Variants in SH3RF1 observed in about 807,000 individuals in gnomAD.
SH3RF1 encodes the protein SH3 domain containing ring finger 1.
SH3RF1 carries 32 observed loss-of-function variants against 74.0 expected under a neutral mutation model. That is an observed-to-expected ratio of 0.43 (90% CI 0.33 to 0.58). The LOEUF is 0.58. SH3RF1 is among the 20% of genes least tolerant of loss of function. The pLI, the probability that SH3RF1 is intolerant of heterozygous loss-of-function variation, is 0.05. For missense variants in SH3RF1, 954 were observed against 1,130.9 expected (o/e 0.84, Z 2.24); for synonymous variants, 396 against 439.6 (o/e 0.90, Z 1.24).
intron 2 of SH3RF1, among the ~76,000 whole-genome samples, chr4:169,264,960 C>A (rs936680115): frequency 6.6e-6 from 1 of 152,184 alleles, no homozygotes; most frequent in Admixed American, 6.5e-5. Flanking sequence ...TAATTAATAT[C>A]ATTTCACCCT....
At chr4:169,183,823 A>AG (rs1253060269) in intron 2 of SH3RF1, among the ~76,000 whole-genome samples, 10 of 152,152 alleles carry the variant, frequency 6.6e-5, no homozygotes, top group African/African-American at 2.4e-4. Flanking sequence ...CAAATGTGTT[A>AG]GGACACGACT....
At chr4:169,156,746 C>A in intron 2 of SH3RF1, 67 bp from the exon 3 acceptor site, 1 of 1,436,710 alleles carries the variant, frequency 7.0e-7, no homozygotes, top group Non-Finnish European at 9.4e-7. Flanking sequence ...GAAAATACAA[C>A]TGCGTTGTCA....
intron 2 of SH3RF1, among the ~76,000 whole-genome samples, chr4:169,258,977 C>T (rs891265802): frequency 6.6e-6 from 1 of 152,094 alleles, no homozygotes; most frequent in Non-Finnish European, 1.5e-5. Flanking sequence ...CACACTGACA[C>T]TCTTACTTAC....
rs577760108 is a variant in SH3RF1 at position 169,261,603 on chromosome 4, T to G, written c.393+7217A>C. Among the ~76,000 whole-genome samples the G allele has an allele frequency of 1.8e-3, 251 of 140,298 alleles. 3 individuals are homozygous for G. Among genetic ancestry groups the G allele is most frequent in the Admixed American group, 7.2e-3 (102 of 14,142 alleles). 92.0% of individuals were successfully genotyped at this position (140,298 alleles called of 152,430 possible). On this transcript the variant is annotated intron_variant, in intron 2 of 11. Coordinates refer to ENST00000284637, the MANE Select transcript of SH3RF1 (RefSeq NM_020870.4). ...CAACCTGGGCAGAAGTGAGACCATC[T>G]CAAAAAAAAAAAAAAGAATGCATAA...
intron 2 of SH3RF1, among the ~76,000 whole-genome samples, chr4:169,250,687 T>C (rs1293694061): frequency 1.3e-5 from 2 of 151,942 alleles, no homozygotes; most frequent in Non-Finnish European, 2.9e-5. Flanking sequence ...TGTGGGGTAG[T>C]GGGGATGGGG....
At chr4:169,101,927 T>C (rs145324505) in intron 11 of SH3RF1, among the ~76,000 whole-genome samples, 283 of 152,332 alleles carry the variant, frequency 1.9e-3, no homozygotes, top group Non-Finnish European at 3.6e-3. Flanking sequence ...AGACTTCCAA[T>C]GCTATGGTAT....
At chr4:169,167,721 G>A (rs569353127) in intron 2 of SH3RF1, among the ~76,000 whole-genome samples, 10 of 152,302 alleles carry the variant, frequency 6.6e-5, no homozygotes, top group African/African-American at 2.2e-4. Flanking sequence ...GGGCAAATGA[G>A]TGAAAGAGGG....
At chr4:169,145,486 A>G (rs1169804812) in intron 4 of SH3RF1, among the ~76,000 whole-genome samples, 1 of 150,872 alleles carries the variant, frequency 6.6e-6, no homozygotes, top group Non-Finnish European at 1.5e-5. Flanking sequence ...TGATAGGTAC[A>G]TTAAAAGCCC....
chr4:169,243,492 G>A (rs1438486039), intron 2 of SH3RF1, among the ~76,000 whole-genome samples: 4 of 152,166 alleles, frequency 2.6e-5, no homozygotes, highest in East Asian at 1.9e-4. Context: ...CAGCCTAGGC[G>A]ACAGAACAAG....
chr4:169,233,463 C>T (rs1730776849), intron 2 of SH3RF1, among the ~76,000 whole-genome samples: 1 of 152,096 alleles, frequency 6.6e-6, no homozygotes, highest in Non-Finnish European at 1.5e-5. Flanking sequence ...ATTTCAACAG[C>T]TATTGATAAC....
intron 2 of SH3RF1, among the ~76,000 whole-genome samples, chr4:169,199,988 C>A (rs947248360): frequency 6.6e-6 from 1 of 152,004 alleles, no homozygotes; most frequent in Non-Finnish European, 1.5e-5. Flanking sequence ...AGAAAATATT[C>A]CAGGCAAATA....
At chr4:169,195,087 T>G (rs1734788325) in intron 2 of SH3RF1, among the ~76,000 whole-genome samples, 1 of 152,224 alleles carries the variant, frequency 6.6e-6, no homozygotes, top group Admixed American at 6.5e-5. Context: ...ACTTTAACAT[T>G]TCCTTTAGCT....
chr4:169,238,935 A>T (rs973455221), intron 2 of SH3RF1, among the ~76,000 whole-genome samples: 2 of 149,818 alleles, frequency 1.3e-5, no homozygotes, highest in Non-Finnish European at 3.0e-5. Flanking sequence ...CATAAAACTG[A>T]CAGGTAAATG....
At chr4:169,247,862 C>T (rs1414744835) in intron 2 of SH3RF1, among the ~76,000 whole-genome samples, 1 of 114,466 alleles carries the variant, frequency 8.7e-6, no homozygotes, top group African/African-American at 3.2e-5. Context: ...CAAAAGAAGA[C>T]ATTTATGCAG....
Position 169,136,336 on chromosome 4 carries a change from G to A in SH3RF1, c.1050C>T (p.Ser350=). The A allele has an allele frequency of 6.8e-7, 1 of 1,473,666 alleles. No individual in the cohort carries two copies. The highest frequency in any genetic ancestry group is 9.0e-7 in the Non-Finnish European group (1 of 1,110,078). 91.3% of individuals were successfully genotyped at this position (1,473,666 alleles called of 1,614,324 possible). A position where few individuals can be genotyped will look rare whatever the true frequency, so the allele number is the denominator to read the frequency against. ...AARISELSGL[S]CSAPSQVHIS... is the part of the protein sequence containing the mutation. Reference sequence around the variant, plus strand: ...GATTTACCTGAGAAGGGGCACTGCAGGAGAGCCCAGACAGCTCGCTGATCC... The same window carrying A: ...GATTTACCTGAGAAGGGGCACTGCAAGAGAGCCCAGACAGCTCGCTGATCC... Residue 350 remains serine, a synonymous_variant, in exon 5 of 12, where the codon TCC becomes TCT. Transcript: ENST00000284637.
At chr4:169,244,792 G>A (rs116308829) in intron 2 of SH3RF1, among the ~76,000 whole-genome samples, 2,379 of 152,200 alleles carry the variant, frequency 0.016, 62 homozygotes, top group African/African-American at 0.055. Flanking sequence ...GTTTTTTGCC[G>A]TTGTTATAAC....
At chr4:169,143,291 A>G (rs531585684) in intron 4 of SH3RF1, among the ~76,000 whole-genome samples, 1 of 152,322 alleles carries the variant, frequency 6.6e-6, no homozygotes, top group Admixed American at 6.5e-5. Flanking sequence ...CTACACTATG[A>G]TCACTTCAAC....
At chr4:169,181,798 A>T (rs1447074228) in intron 2 of SH3RF1, among the ~76,000 whole-genome samples, 1 of 152,194 alleles carries the variant, frequency 6.6e-6, no homozygotes, top group African/African-American at 2.4e-5. Flanking sequence ...GATGCCAGAG[A>T]AGAGTGGATA....
chr4:169,196,812 C>T (rs1171177771), intron 2 of SH3RF1, among the ~76,000 whole-genome samples: 3 of 152,098 alleles, frequency 2.0e-5, no homozygotes, highest in Non-Finnish European at 2.9e-5. Context: ...ATAAGCTGTT[C>T]CTTTACTATA....
Sources: gnomAD v4.1 joint callset for allele counts (sites outside exome capture counted in the v4.1 genomes callset) on GRCh38, gnomAD v4.1.1 for gene constraint, MANE v1.5 for transcripts, NCBI Gene and HGNC (gene_info 2026-07-23, HGNC 2026-07-21) for gene names.